SPAM1: variants seen among roughly 807,000 people sequenced by gnomAD.
The protein encoded by SPAM1 is sperm adhesion molecule 1.
SPAM1 carries 22 observed loss-of-function variants against 29.6 expected under a neutral mutation model. That is an observed-to-expected ratio of 0.74 (90% CI 0.53 to 1.06). The LOEUF is 1.06. Among genes scored for constraint, SPAM1 ranks in the 50% least tolerant of loss-of-function variants. The pLI is 0.00. For synonymous variants in SPAM1, 194 were observed against 204.6 expected, an observed-to-expected ratio of 0.95 and a Z score of 0.44; for missense variants, 534 against 604.0, an observed-to-expected ratio of 0.88 and a Z score of 1.21.
chr7:123,947,959 C>T (rs901709588), intron 1 of SPAM1, among the ~76,000 whole-genome samples: 13 of 151,410 alleles, frequency 8.6e-5, no homozygotes, highest in African/African-American at 2.4e-4. Flanking sequence ...AAAGTTAAGA[C>T]GAGGCTGGAA....
chr7:123,965,899 G>C (rs1345066065), intron 5 of SPAM1, among the ~76,000 whole-genome samples: 2 of 151,854 alleles, frequency 1.3e-5, no homozygotes, highest in Non-Finnish European at 2.9e-5. Context: ...GGGCGATATG[G>C]CCATTTTAAC....
At chr7:123,956,064 G>A (rs984612931) in intron 4 of SPAM1, among the ~76,000 whole-genome samples, 2 of 151,782 alleles carry the variant, frequency 1.3e-5, no homozygotes, top group East Asian at 1.9e-4. Context: ...CTTACTCTGA[G>A]GAGGAGTGAA....
intron 1 of SPAM1, among the ~76,000 whole-genome samples, chr7:123,941,272 T>C (rs1808418998): frequency 6.6e-6 from 1 of 152,240 alleles, no homozygotes; most frequent in African/African-American, 2.4e-5. Flanking sequence ...CAGGAGGTCC[T>C]GACAATGTGT....
At chr7:123,930,682 A>G (rs1036556878) in intron 1 of SPAM1, among the ~76,000 whole-genome samples, 10 of 152,188 alleles carry the variant, frequency 6.6e-5, no homozygotes, top group Admixed American at 2.6e-4. Context: ...TAGAGAAAAC[A>G]AAGACTCCTT....
At chr7:123,963,047 T>G (rs556177178), downstream of SPAM1, among the ~76,000 whole-genome samples, 1 of 152,056 alleles carries the variant, frequency 6.6e-6, no homozygotes, top group South Asian at 2.1e-4. Context: ...AACTTTTTTC[T>G]CGACCAAAAA....
rs12706562 is a variant in SPAM1, at chr7:123,969,964, G to C, written c.1486-234G>C. On this transcript the variant is annotated intron_variant, in intron 5 of 6. Transcript: ENST00000340011. ...TCAGAGCTAGCTCTGTATTTTAAGAGAGGTTTCTCTTTTTCCTAGAGTGGT... is the reference window on the plus strand; with the variant it reads ...TCAGAGCTAGCTCTGTATTTTAAGACAGGTTTCTCTTTTTCCTAGAGTGGT... Among the ~76,000 whole-genome samples, 25,967 of 151,968 alleles carry C rather than the reference G, an allele frequency of 0.17. 2,540 individuals are homozygous for C. Among genetic ancestry groups the C allele is most frequent in the African/African-American group, 0.27 (11,253 of 41,426 alleles).
downstream of SPAM1, among the ~76,000 whole-genome samples, chr7:123,964,796 C>T (rs1241501543): frequency 6.6e-6 from 1 of 151,990 alleles, no homozygotes; most frequent in Non-Finnish European, 1.5e-5. Flanking sequence ...ACTGTTAAAA[C>T]TGTAATATGT....
chr7:123,943,350 A>T lies in SPAM1; in HGVS notation c.-318-6522A>T, dbSNP rs1041895962. On this transcript the variant is annotated intron_variant, in intron 1 of 4. Coordinates refer to ENST00000682466, the MANE Select transcript of SPAM1 (RefSeq NM_153189.3). ...GTTATAATGCCACCTTTTGAAAAGG[A>T]TAAAAATAAAACTGCAGATGACAAA... is the stretch of plus-strand genomic sequence containing the variant. Among the ~76,000 whole-genome samples, 14 of 152,162 alleles carry T rather than the reference A, an allele frequency of 9.2e-5. No homozygotes were observed. In the South Asian group the frequency reaches 2.3e-3, roughly 25 times the overall value.
At chr7:123,932,610 C>T (rs944295634) in intron 1 of SPAM1, among the ~76,000 whole-genome samples, 1 of 152,170 alleles carries the variant, frequency 6.6e-6, no homozygotes, top group African/African-American at 2.4e-5. Flanking sequence ...TTTGCCATCT[C>T]TTTGCTTGTG....
downstream of SPAM1, among the ~76,000 whole-genome samples, chr7:123,963,232 T>G (rs911091433): frequency 3.9e-5 from 6 of 151,932 alleles, no homozygotes; most frequent in Non-Finnish European, 5.9e-5. Context: ...AACACTGGTC[T>G]TTATACAATT....
chr7:123,953,257 T>C, intron 2 of SPAM1, 108 bp from the exon 3 acceptor site: 1 of 244,346 alleles, frequency 4.1e-6, no homozygotes, highest in Non-Finnish European at 7.7e-6. Flanking sequence ...ATCCTCCATC[T>C]TCTAAAATGA....
downstream of SPAM1, chr7:123,960,094 A>C (rs868824524): frequency 7.4e-7 from 1 of 1,350,544 alleles, no homozygotes; most frequent in Non-Finnish European, 9.9e-7. Flanking sequence ...CTGAATAACT[A>C]TACCTAGGAA....
At chr7:123,941,632 C>T (rs368208682) in intron 1 of SPAM1, among the ~76,000 whole-genome samples, 2 of 152,080 alleles carry the variant, frequency 1.3e-5, no homozygotes, top group South Asian at 2.1e-4. Context: ...GCAAATTGTG[C>T]GGGAGGTATG....
At chr7:123,930,243 C>T (rs1808030682) in intron 1 of SPAM1, among the ~76,000 whole-genome samples, 1 of 151,986 alleles carries the variant, frequency 6.6e-6, no homozygotes, top group African/African-American at 2.4e-5. Flanking sequence ...AAAATCTTTT[C>T]AAATATAAAA....
At chr7:123,945,791 C>G (rs1282797184) in intron 1 of SPAM1, among the ~76,000 whole-genome samples, 1 of 151,834 alleles carries the variant, frequency 6.6e-6, no homozygotes, top group Non-Finnish European at 1.5e-5. Context: ...ACACAGAAAC[C>G]AAGCCCCTGT....
downstream of SPAM1, among the ~76,000 whole-genome samples, chr7:123,964,488 G>A (rs1792398068): frequency 6.6e-6 from 1 of 151,702 alleles, no homozygotes; most frequent in Non-Finnish European, 1.5e-5. Flanking sequence ...ATTTTTCTCT[G>A]CTAGGTTTTA....
chr7:123,965,866 AC>A (rs1367336982), intron 5 of SPAM1, among the ~76,000 whole-genome samples: 4 of 152,062 alleles, frequency 2.6e-5, no homozygotes, highest in Middle Eastern at 3.2e-3. Flanking sequence ...AATGGGAATA[AC>A]ATTGCATCTA....
chr7:123,937,621 G>A (rs887876858), intron 1 of SPAM1, among the ~76,000 whole-genome samples: 4 of 142,892 alleles, frequency 2.8e-5, no homozygotes, highest in Non-Finnish European at 4.6e-5. Context: ...AAAAAAAGAC[G>A]CTTCATAGGT....
intron 1 of SPAM1, 90 bp downstream of exon 1, chr7:123,925,442 C>A (rs1477876921): frequency 6.6e-6 from 1 of 152,062 alleles, no homozygotes; most frequent in Non-Finnish European, 1.5e-5. Context: ...CCTATAAGTT[C>A]TTTTTATGTC....
Sources: gnomAD v4.1 joint callset for allele counts (sites outside exome capture counted in the v4.1 genomes callset) on GRCh38, gnomAD v4.1.1 for gene constraint, MANE v1.5 for transcripts, NCBI Gene and HGNC (gene_info 2026-07-23, HGNC 2026-07-21) for gene names.